Variants in ARFGEF3 observed in about 807,000 individuals in gnomAD.
ARFGEF3 encodes ARFGEF family member 3.
A neutral mutation model predicts 221.7 loss-of-function variants in ARFGEF3; 96 were observed. That is an observed-to-expected ratio of 0.43 (90% confidence interval 0.37 to 0.51). The LOEUF is 0.51. Among genes scored for constraint, ARFGEF3 ranks in the 20% least tolerant of loss-of-function variants. The pLI, the probability that ARFGEF3 is intolerant of heterozygous loss-of-function variation, is 0.00. For synonymous variants in ARFGEF3, 1,145 were observed against 1,126.8 expected, an observed-to-expected ratio of 1.02 and a Z score of -0.32; for missense variants, 2,410 against 2,789.9, an observed-to-expected ratio of 0.86 and a Z score of 3.07.
chr6:138,253,568 T>C (rs530770203), intron 8 of ARFGEF3, among the ~76,000 whole-genome samples: 6 of 152,220 alleles, frequency 3.9e-5, no homozygotes, highest in Admixed American at 1.3e-4. Context: ...TGAATGTCTC[T>C]GTGTCCAAAT....
In ARFGEF3 at chr6:138,336,748, CT is replaced by C. The variant is rs925653751; in HGVS notation, c.*263del. ...TCTATAATCCTTGATATGTTTCTAA[CT>C]CTTGAAGTATATTTCCCAGTGCTTT... On this transcript the variant is annotated 3_prime_UTR_variant, in exon 34 of 34. Coordinates refer to ENST00000251691, the MANE Select transcript of ARFGEF3 (RefSeq NM_020340.5). The C allele has an allele frequency of 7.3e-6, 2 of 275,172 alleles. No individual in the cohort carries two copies. The highest frequency in any genetic ancestry group is 4.4e-5 in the African/African-American group (2 of 45,558). 17.0% of individuals were successfully genotyped at this position (275,172 alleles called of 1,614,324 possible).
intron 17 of ARFGEF3, 141 bp downstream of exon 17, chr6:138,287,325 C>G (rs1779316693): frequency 4.6e-6 from 3 of 646,130 alleles, no homozygotes; most frequent in Non-Finnish European, 8.2e-6. Flanking sequence ...TCACGAGATC[C>G]CATTGAGCCA....
At chr6:138,271,343 A>C (rs934794334) in intron 12 of ARFGEF3, among the ~76,000 whole-genome samples, 2 of 152,186 alleles carry the variant, frequency 1.3e-5, no homozygotes, top group Admixed American at 1.3e-4. Flanking sequence ...TACCACCTAG[A>C]AGCTGACTCT....
chr6:138,339,761 T>A lies in ARFGEF3; in HGVS notation c.*3275T>A, dbSNP rs1780394362. 1 of 152,228 alleles carries A rather than the reference T, an allele frequency of 6.6e-6. No homozygotes were observed. Among genetic ancestry groups the A allele is most frequent in the African/African-American group, 2.4e-5 (1 of 41,440 alleles). 9.4% of individuals were successfully genotyped at this position (152,228 alleles called of 1,614,324 possible). On this transcript the variant is annotated 3_prime_UTR_variant, in exon 34 of 34. Coordinates refer to ENST00000251691, the MANE Select transcript of ARFGEF3 (RefSeq NM_020340.5). ...CTAGCTCCTGTATCTCCTGATCTGC[T>A]TTTAAAAATAGTTAGTTAGGCTGCC...
At chr6:138,305,333 G>A (rs1025837701) in intron 22 of ARFGEF3, among the ~76,000 whole-genome samples, 2 of 151,818 alleles carry the variant, frequency 1.3e-5, no homozygotes, top group Non-Finnish European at 2.9e-5. Flanking sequence ...AGGCACAGTG[G>A]CTTACACCTG....
chr6:138,334,963 C>T lies in ARFGEF3; in HGVS notation c.6117C>T (p.Ser2039=), dbSNP rs776008501. Residue 2039 remains serine (S), a synonymous_variant, in exon 33 of 34, where the codon TCC becomes TCT. Transcript: ENST00000251691. This position sits in a 1 kb window ranked among gnomAD's most constrained non-coding sequence, Gnocchi z 5.1. ...AGAGGAAACAGCAGCACAACCTGTCCGCGTTCCCCAAAGAGGTCAAAGTGG... is the reference window on the plus strand; with the variant it reads ...AGAGGAAACAGCAGCACAACCTGTCTGCGTTCCCCAAAGAGGTCAAAGTGG... The part of the protein sequence containing the change: ...YKKRKQQHNL[S]AFPKEVKVEK... The T allele has an allele frequency of 9.5e-6, 15 of 1,585,990 alleles. No homozygotes were observed. The East Asian group carries it at 1.6e-4, about 17-fold the overall frequency.
intron 32 of ARFGEF3, among the ~76,000 whole-genome samples, 196 bp downstream of exon 32, chr6:138,328,338 G>A (rs902577405): frequency 2.7e-4 from 41 of 152,136 alleles, no homozygotes; most frequent in Admixed American, 5.2e-4. Context: ...GGTTATCCGG[G>A]CTGCCACAGA....
chr6:138,324,897 G>A (rs1001330921), intron 31 of ARFGEF3, among the ~76,000 whole-genome samples: 2 of 152,224 alleles, frequency 1.3e-5, no homozygotes, highest in Non-Finnish European at 2.9e-5. Flanking sequence ...AACCCTGGAC[G>A]TGACTCTCAG....
Position 138,322,383 on chromosome 6 carries a change from C to T in ARFGEF3, c.4766+1158C>T, listed in dbSNP as rs573029309. ...AAGACCCGGCCCGATGATTCAGTTA[C>T]CTCTCACGGGGTCCCTCCCACAACA... is the stretch of plus-strand genomic sequence containing the variant. On this transcript the variant is annotated intron_variant, in intron 29 of 33. Coordinates refer to ENST00000251691, the MANE Select transcript of ARFGEF3 (RefSeq NM_020340.5). Among the ~76,000 whole-genome samples, 99 of 152,234 alleles carry T rather than the reference C, an allele frequency of 6.5e-4. 1 individual carries two copies. The highest frequency in any genetic ancestry group is 4.3e-3 in the Admixed American group (66 of 15,278).
chr6:138,236,381 G>A (rs1778287995), intron 5 of ARFGEF3, among the ~76,000 whole-genome samples: 1 of 152,214 alleles, frequency 6.6e-6, no homozygotes, highest in Non-Finnish European at 1.5e-5. Flanking sequence ...ACACAATGGA[G>A]AGTTTGGCTT....
At chr6:138,223,199 C>G (rs1433629546) in intron 4 of ARFGEF3, among the ~76,000 whole-genome samples, 1 of 152,196 alleles carries the variant, frequency 6.6e-6, no homozygotes, top group Non-Finnish European at 1.5e-5. Flanking sequence ...TCTCAGTATT[C>G]CTGTGCTTGT....
chr6:138,328,062 C>T lies in ARFGEF3; in HGVS notation c.5043C>T (p.Asn1681=). Residue 1681 remains asparagine (N), a synonymous_variant, in exon 32 of 34, where the codon AAC becomes AAT. Transcript: ENST00000251691. Reference sequence around the variant, plus strand: ...CCCAGTGCTCACCAAAGACACCAAACAACTTTGACCACGCTCAGTCCTGCC... The same window carrying T: ...CCCAGTGCTCACCAAAGACACCAAATAACTTTGACCACGCTCAGTCCTGCC... ...LDTQCSPKTP[N]NFDHAQSCQL... 6.4e-7 allele frequency: 1 copy of T among 1,558,902 alleles called. No individual in the cohort carries two copies. The highest frequency in any genetic ancestry group is 8.7e-7 in the Non-Finnish European group (1 of 1,150,384).
chr6:138,290,013 G>C (rs751800633), intron 18 of ARFGEF3, 45 bp downstream of exon 18: 1 of 1,569,212 alleles, frequency 6.4e-7, no homozygotes, highest in South Asian at 1.2e-5. Context: ...ACCCTGCCTT[G>C]GGAAACCTGG....
chr6:138,308,943 T>A (rs1316318587), intron 24 of ARFGEF3, 82 bp downstream of exon 24: 1 of 1,542,920 alleles, frequency 6.5e-7, no homozygotes, highest in Non-Finnish European at 8.9e-7. Context: ...CAGGGCCTAC[T>A]GACTGTCTGG....
chr6:138,238,614 C>G lies in ARFGEF3; in HGVS notation c.526C>G (p.Gln176Glu), dbSNP rs766636243. Residue 176 changes from glutamine to glutamate, a missense_variant, in exon 6 of 34, where the codon CAG (glutamine) becomes GAG (glutamate). By Grantham distance (29) the Gln-to-Glu change is conservative. Transcript: ENST00000251691. ...MLSDLTLQLRQRQENTIIENP... is the reference protein window; with the variant it reads ...MLSDLTLQLRERQENTIIENP... ...GAGTGACTTGACTTTACAGTTACGA[C>G]AGAGGCAGGAGAATACGGTGAGTCT... The G allele has an allele frequency of 1.9e-6, 3 of 1,613,686 alleles. No homozygotes were observed. The highest frequency in any genetic ancestry group is 2.5e-6 in the Non-Finnish European group (3 of 1,179,684).
intron 32 of ARFGEF3, 146 bp from the exon 33 acceptor site, chr6:138,333,824 C>A: frequency 1.1e-6 from 1 of 898,114 alleles, no homozygotes; most frequent in Non-Finnish European, 1.6e-6. Context: ...AAAAGTATGC[C>A]TTCTTTCATG....
intron 2 of ARFGEF3, among the ~76,000 whole-genome samples, chr6:138,200,526 T>C (rs568172612): frequency 6.6e-4 from 100 of 152,262 alleles, no homozygotes; most frequent in African/African-American, 2.4e-3. Flanking sequence ...ACCCAAGTAC[T>C]TGCAGCCAAC....
At chr6:138,292,374 C>A (rs1309634376) in intron 19 of ARFGEF3, among the ~76,000 whole-genome samples, 1 of 152,082 alleles carries the variant, frequency 6.6e-6, no homozygotes, top group Non-Finnish European at 1.5e-5. Flanking sequence ...GTAATTCTGT[C>A]ACCGTGTAGT....
Position 138,338,473 on chromosome 6 carries a change from G to A in ARFGEF3, c.*1987G>A, listed in dbSNP as rs1265317203. 1 of 152,150 alleles carries A rather than the reference G, an allele frequency of 6.6e-6. No homozygotes were observed. Among genetic ancestry groups the A allele is most frequent in the African/African-American group, 2.4e-5 (1 of 41,426 alleles). The allele number at this position is 152,150 out of a possible 1,614,324, so 9.4% of individuals were successfully genotyped here. A position where few individuals can be genotyped will look rare whatever the true frequency, so the allele number is the denominator to read the frequency against. ...TTTATACATAGCAACTTTTCATAAA[G>A]TAGAAAAATTCAAAGGAAGCTGTCT... is the stretch of plus-strand genomic sequence containing the variant. On this transcript the variant is annotated 3_prime_UTR_variant, in exon 34 of 34. Coordinates refer to ENST00000251691, the MANE Select transcript of ARFGEF3 (RefSeq NM_020340.5).
Sources: gnomAD v4.1 joint callset for allele counts (sites outside exome capture counted in the v4.1 genomes callset) on GRCh38, gnomAD v4.1.1 for gene constraint, Gnocchi (gnomAD v3.1) non-coding constraint, MANE v1.5 for transcripts, NCBI Gene and HGNC (gene_info 2026-07-23, HGNC 2026-07-21) for gene names.